Variants in BICRA observed in about 807,000 individuals in gnomAD.
The protein encoded by BICRA is BRD4 interacting chromatin remodeling complex associated protein.
A neutral mutation model predicts 96.9 loss-of-function variants in BICRA; 31 were observed. The observed-to-expected ratio is 0.32, with a 90% confidence interval of 0.24 to 0.43. The LOEUF is 0.43. BICRA is among the 20% of genes least tolerant of loss of function. The probability of loss-of-function intolerance (pLI) is 1.00; values close to 1 mark genes in which losing one functional copy is unlikely to be tolerated. For missense variants in BICRA, 2,283 were observed against 2,190.3 expected, an observed-to-expected ratio of 1.04 and a Z score of -0.84; for synonymous variants, 1,350 against 1,071.8, an observed-to-expected ratio of 1.26 and a Z score of -5.07.
At chr19:47,670,023 C>T (rs1333660523) in intron 1 of BICRA, among the ~76,000 whole-genome samples, 2 of 151,892 alleles carry the variant, frequency 1.3e-5, no homozygotes, top group African/African-American at 2.4e-5. Context: ...ACTATCCTAG[C>T]TCACAGCATC....
At chr19:47,637,373 C>A (rs1972315199) in intron 1 of BICRA, among the ~76,000 whole-genome samples, 1 of 151,882 alleles carries the variant, frequency 6.6e-6, no homozygotes, top group South Asian at 2.1e-4. Flanking sequence ...CCCACCTCAG[C>A]CTCCCAAAGT....
chr19:47,683,948 A>G (rs1973106279), intron 7 of BICRA, among the ~76,000 whole-genome samples: 1 of 152,188 alleles, frequency 6.6e-6, no homozygotes, highest in East Asian at 1.9e-4. Context: ...ATAGGTAGGA[A>G]GAGGAGAGTG....
chr19:47,616,600 T>C (rs1009730073), intron 1 of BICRA, among the ~76,000 whole-genome samples: 1 of 151,192 alleles, frequency 6.6e-6, no homozygotes, highest in Non-Finnish European at 1.5e-5. Context: ...GATCGCACGA[T>C]TGCACTCCAG....
At chr19:47,626,717 G>GTTT (rs35347398) in intron 1 of BICRA, among the ~76,000 whole-genome samples, 29 of 101,248 alleles carry the variant, frequency 2.9e-4, no homozygotes, top group Non-Finnish European at 4.2e-4. Context: ...TGCATCCTGG[G>GTTT]TTTTTTTTTT....
At chr19:47,693,384 C>G (rs1973270067) in intron 7 of BICRA, among the ~76,000 whole-genome samples, 1 of 152,248 alleles carries the variant, frequency 6.6e-6, no homozygotes, top group African/African-American at 2.4e-5. Flanking sequence ...CTTGTACCTG[C>G]AAGCTCACGT....
At position 47,701,994 on chromosome 19, in the gene BICRA, T is replaced by G; in HGVS notation, c.4262T>G (p.Val1421Gly). Residue 1421 changes from valine to glycine, a missense_variant, in exon 15 of 15, where the codon GTG becomes GGG. Val to Gly is a moderately radical substitution (Grantham distance 109). Transcript: ENST00000594866. The surrounding 1 kb of genome is among the most constrained non-coding windows in gnomAD (Gnocchi z 5.4). ...GGSPAPLPAKVDEATSGLIRE... is the reference protein window; with the variant it reads ...GGSPAPLPAKGDEATSGLIRE... ...AGCCCGGCGCCGCTGCCCGCCAAAG[T>G]GGACGAGGCCACCAGCGGGCTCATC... 6.8e-7 allele frequency: 1 copy of G among 1,481,160 alleles called. No homozygotes were observed. The highest frequency in any genetic ancestry group is 8.9e-7 in the Non-Finnish European group (1 of 1,125,002). 91.8% of individuals were successfully genotyped at this position (1,481,160 alleles called of 1,614,324 possible).
chr19:47,639,121 A>G (rs1477016183), intron 1 of BICRA, among the ~76,000 whole-genome samples: 1 of 151,570 alleles, frequency 6.6e-6, no homozygotes, highest in Non-Finnish European at 1.5e-5. Context: ...CTCCCATCTC[A>G]GCCTCCTGAG....
intron 1 of BICRA, among the ~76,000 whole-genome samples, chr19:47,658,725 C>G (rs1972659900): frequency 6.6e-6 from 1 of 151,654 alleles, no homozygotes. Context: ...CACCTGGGAA[C>G]TCATTAGAAA....
intron 1 of BICRA, among the ~76,000 whole-genome samples, chr19:47,641,070 AT>A (rs71180861): frequency 2.4e-3 from 249 of 104,520 alleles, no homozygotes; most frequent in Non-Finnish European, 3.1e-3. Context: ...TGCCTGGCTA[AT>A]TTTTTTTTTT....
intron 1 of BICRA, among the ~76,000 whole-genome samples, chr19:47,634,815 T>C (rs139666645): frequency 0.033 from 4,745 of 144,780 alleles, 226 homozygotes; most frequent in African/African-American, 0.11. Context: ...CAGGCTGGAG[T>C]GCAGTGGCGC....
At chr19:47,667,218 CCA>C (rs1322621639) in intron 1 of BICRA, among the ~76,000 whole-genome samples, 4 of 152,144 alleles carry the variant, frequency 2.6e-5, no homozygotes, top group Non-Finnish European at 5.9e-5. Flanking sequence ...CGGGGTTTCA[CCA>C]TTCACACAAT....
intron 1 of BICRA, among the ~76,000 whole-genome samples, chr19:47,622,474 C>G (rs1287403470): frequency 1.4e-5 from 2 of 141,812 alleles, no homozygotes; most frequent in Admixed American, 1.4e-4. Context: ...CCTGTAATCC[C>G]AGCACTTTGG....
chr19:47,680,250 G>A lies in BICRA; in HGVS notation c.1080G>A (p.Pro360=), dbSNP rs373727053. ...PIQPKPAGVL[P]PKLYQLTPKP... Reference sequence around the variant, plus strand: ...AGCCCAAGCCCGCGGGGGTGCTGCCGCCCAAGCTCTACCAGCTGACGCCCA... The same window carrying A: ...AGCCCAAGCCCGCGGGGGTGCTGCCACCCAAGCTCTACCAGCTGACGCCCA... Residue 360 remains proline (P), a synonymous_variant, in exon 6 of 15, where the codon CCG becomes CCA. Transcript: ENST00000594866. 4,280 of 1,561,552 alleles carry A rather than the reference G, an allele frequency of 2.7e-3. 55 individuals are homozygous for A. Among genetic ancestry groups the A allele is most frequent in the Non-Finnish European group, 2.6e-3 (3,040 of 1,162,798 alleles).
intron 1 of BICRA, among the ~76,000 whole-genome samples, chr19:47,610,171 A>T (rs1395330804): frequency 2.0e-5 from 3 of 152,106 alleles, no homozygotes; most frequent in Non-Finnish European, 4.4e-5. Flanking sequence ...GAGGGCAGCC[A>T]GGCCGCGGGC....
At position 47,702,466 on chromosome 19, in the gene BICRA, A is replaced by T; in HGVS notation, c.*51A>T. ...CCCCTCCTCCCGAAGACGCCGGGAC[A>T]GTCGGGTGTCCGCCCTCAGCCTCCT... On this transcript the variant is annotated 3_prime_UTR_variant, in exon 15 of 15. Coordinates refer to ENST00000594866, the MANE Select transcript of BICRA (RefSeq NM_001394372.1). The T allele has an allele frequency of 7.0e-7, 1 of 1,422,320 alleles. No homozygotes were observed. Among genetic ancestry groups the T allele is most frequent in the East Asian group, 2.9e-5 (1 of 34,472 alleles). The allele number at this position is 1,422,320 out of a possible 1,614,324, so 88.1% of individuals were successfully genotyped here.
At chr19:47,634,012 G>A (rs771325302) in intron 1 of BICRA, among the ~76,000 whole-genome samples, 11 of 152,212 alleles carry the variant, frequency 7.2e-5, no homozygotes, top group Non-Finnish European at 1.2e-4. Flanking sequence ...CTAAAAGATC[G>A]TGGAGCCATG....
At chr19:47,638,994 TC>T (rs1330220309) in intron 1 of BICRA, among the ~76,000 whole-genome samples, 1 of 151,686 alleles carries the variant, frequency 6.6e-6, no homozygotes, top group Admixed American at 6.6e-5. Flanking sequence ...CCTTTGTTTT[TC>T]CTTTTCAAAA....
Position 47,673,696 on chromosome 19 carries a change from G to A in BICRA, c.42-24G>A, listed in dbSNP as rs538599147. On this transcript the variant is annotated intron_variant, in intron 3 of 14. Coordinates refer to ENST00000594866, the MANE Select transcript of BICRA (RefSeq NM_001394372.1). ...CCCTCCCCAGCTCCTTACCTCCTCA[G>A]CGTCTCTTCCTCTTCTCTTCCAGTG... is the stretch of plus-strand genomic sequence containing the variant. The A allele has an allele frequency of 1.4e-5, 22 of 1,594,072 alleles. No homozygotes were observed. The South Asian group carries it at 2.4e-4, about 18-fold the overall frequency.
At chr19:47,649,339 T>C (rs1972509528) in intron 1 of BICRA, among the ~76,000 whole-genome samples, 1 of 152,206 alleles carries the variant, frequency 6.6e-6, no homozygotes, top group South Asian at 2.1e-4. Flanking sequence ...AGCGCTGTTA[T>C]ATGCCCTCTG....
Sources: allele counts gnomAD v4.1 joint callset (sites outside exome capture counted in the v4.1 genomes callset), GRCh38; gene constraint gnomAD v4.1.1; non-coding constraint Gnocchi (gnomAD v3.1); transcripts MANE v1.5; gene names NCBI Gene and HGNC (gene_info 2026-07-23, HGNC 2026-07-21).